ANK3: variants seen among roughly 807,000 people sequenced by gnomAD.
ANK3 encodes the protein ankyrin-3.
ANK3 carries 57 observed loss-of-function variants against 370.9 expected under a neutral mutation model. The observed-to-expected ratio is 0.15, with a 90% CI of 0.12 to 0.19. The LOEUF is 0.19. Ranked by LOEUF, ANK3 falls within the 10% of genes least tolerant of loss-of-function variation. The pLI, the probability that ANK3 is intolerant of heterozygous loss-of-function variation, is 1.00. For synonymous variants in ANK3, 1,929 were observed against 1,946.3 expected (o/e 0.99, Z 0.23); for missense variants, 4,439 against 5,302.1 (o/e 0.84, Z 5.06).
chr10:60,731,884 C>T (rs1439809114), intron 1 of ANK3, among the ~76,000 whole-genome samples: 2 of 152,146 alleles, frequency 1.3e-5, no homozygotes, highest in African/African-American at 2.4e-5. Flanking sequence ...ATTAGACAAC[C>T]CACACTCTCA....
intron 4 of ANK3, among the ~76,000 whole-genome samples, chr10:60,275,716 T>C (rs1199708351): frequency 1.3e-5 from 2 of 152,160 alleles, no homozygotes; most frequent in Non-Finnish European, 2.9e-5. Flanking sequence ...AGGCACTGGC[T>C]AACCTAAAGG....
intron 2 of ANK3, among the ~76,000 whole-genome samples, chr10:60,514,063 A>G (rs2076155222): frequency 6.6e-6 from 1 of 152,162 alleles, no homozygotes; most frequent in African/African-American, 2.4e-5. Context: ...CTCTCAATGA[A>G]TAGTAAATGT....
intron 25 of ANK3, among the ~76,000 whole-genome samples, chr10:60,130,197 C>T (rs535979150): frequency 1.3e-5 from 2 of 152,164 alleles, no homozygotes; most frequent in Non-Finnish European, 2.9e-5. Context: ...GTGGAGATGG[C>T]TCCACCTCTC....
chr10:60,213,180 T>C (rs1402891457), intron 9 of ANK3, among the ~76,000 whole-genome samples: 2 of 152,156 alleles, frequency 1.3e-5, no homozygotes, highest in Non-Finnish European at 2.9e-5. Context: ...GCAGTAAGCA[T>C]TCCTGAAACA....
chr10:60,551,944 A>T (rs1440627638), intron 2 of ANK3, among the ~76,000 whole-genome samples: 1 of 152,160 alleles, frequency 6.6e-6, no homozygotes, highest in African/African-American at 2.4e-5. Flanking sequence ...GCATTTCTTA[A>T]TGTGCTCCAC....
rs148114214 is a variant in ANK3, at chr10:60,138,920, T to C, written c.2738+44A>G. The C allele has an allele frequency of 3.1e-6, 5 of 1,604,392 alleles. No individual in the cohort carries two copies. In the South Asian group the frequency reaches 4.5e-5, roughly 14 times the overall value. ...CATGATTTTGATTTATGACAAATCATGGTTGTTTTAAATTAACTATGAAAG... is the reference window on the plus strand; with the variant it reads ...CATGATTTTGATTTATGACAAATCACGGTTGTTTTAAATTAACTATGAAAG... On this transcript the variant is annotated intron_variant, in intron 24 of 43. Transcript: ENST00000280772.
chr10:60,056,160 A>AG, intron 41 of ANK3, 124 bp from the exon 42 acceptor site: 1 of 1,201,978 alleles, frequency 8.3e-7, no homozygotes, highest in South Asian at 1.6e-5. Context: ...GAAAAGTGTG[A>AG]AAAGTGTGGC....
At chr10:60,659,015 A>G (rs1437068673) in intron 1 of ANK3, among the ~76,000 whole-genome samples, 1 of 152,060 alleles carries the variant, frequency 6.6e-6, no homozygotes. Flanking sequence ...ATACTACTAA[A>G]TAGTTCGAAA....
rs373883428 is a variant in ANK3, at chr10:60,068,774, G to A, written c.12107C>T (p.Thr4036Met). 2.0e-5 allele frequency: 32 copies of A among 1,614,086 alleles called. No homozygotes were observed. The highest frequency in any genetic ancestry group is 2.5e-5 in the Non-Finnish European group (30 of 1,180,028). The change falls in exon 37 of 44, where the codon ACG (threonine) becomes ATG (methionine). Residue 4036 changes from threonine to methionine, a missense_variant. Physicochemically the swap from Thr to Met is moderately conservative, Grantham distance 81 (BLOSUM62 -1). Transcript: ENST00000280772. ...ACCCCGGGAAGTCTCGGACAACGAC[G>A]TGTTTCTTGAGGTACTTTCTTCCTC... ...SDEEESTSRN[T>M]SLSETSRGGQ...
intron 2 of ANK3, among the ~76,000 whole-genome samples, chr10:60,439,195 C>T (rs2064231657): frequency 6.6e-6 from 1 of 152,116 alleles, no homozygotes; most frequent in Non-Finnish European, 1.5e-5. Flanking sequence ...ACTTCGAGAC[C>T]TTAGCCACTG....
In ANK3 at chr10:60,073,240, A is replaced by G; in HGVS notation, c.7641T>C (p.Asn2547=). Residue 2547 remains asparagine, a synonymous_variant, in exon 37 of 44, where the codon AAT becomes AAC. Transcript: ENST00000280772. ...ACATGGCATGTTTTGGACTACTAAC[A>G]TTGCCAGAATAGTGCAACACTGTCA... ...DKVTVLHYSG[N]VSSPKHAMWM... is the part of the protein sequence containing the mutation. The G allele has an allele frequency of 6.2e-7, 1 of 1,614,128 alleles. No homozygotes were observed. The highest frequency in any genetic ancestry group is 8.5e-7 in the Non-Finnish European group (1 of 1,180,024).
At chr10:60,455,691 A>G (rs1203634401) in intron 2 of ANK3, among the ~76,000 whole-genome samples, 1 of 152,156 alleles carries the variant, frequency 6.6e-6, no homozygotes, top group Non-Finnish European at 1.5e-5. Flanking sequence ...CGTTGTATAT[A>G]TTTCAAATTC....
In ANK3 at chr10:60,312,764, G is replaced by T. The variant is rs112834446; in HGVS notation, c.115-33125C>A. Among the ~76,000 whole-genome samples, 647 of 152,314 alleles carry T rather than the reference G, an allele frequency of 4.2e-3. 3 individuals are homozygous for T. Among genetic ancestry groups the T allele is most frequent in the Middle Eastern group, 0.027 (8 of 294 alleles). On this transcript the variant is annotated intron_variant, in intron 1 of 43. Coordinates refer to ENST00000280772, the MANE Select transcript of ANK3 (RefSeq NM_020987.5). ...CAAATAAAGAGATTTTATGAGTTCAGATTTTTGCCCCTTCTTTCAAAAATC... is the reference window on the plus strand; with the variant it reads ...CAAATAAAGAGATTTTATGAGTTCATATTTTTGCCCCTTCTTTCAAAAATC...
intron 1 of ANK3, among the ~76,000 whole-genome samples, chr10:60,296,745 G>C (rs1399524220): frequency 6.6e-6 from 1 of 152,158 alleles, no homozygotes; most frequent in East Asian, 1.9e-4. Flanking sequence ...CAGCACTTTG[G>C]GAGGCTGAGA....
At chr10:60,511,940 A>C (rs113643708) in intron 2 of ANK3, among the ~76,000 whole-genome samples, 221 of 152,220 alleles carry the variant, frequency 1.5e-3, no homozygotes, top group Non-Finnish European at 2.7e-3. Flanking sequence ...CATTGAGTCA[A>C]GATTGAAATA....
In ANK3 at chr10:60,071,112, G is replaced by A; in HGVS notation, c.9769C>T (p.Pro3257Ser). The change falls in exon 37 of 44, where the codon CCT becomes TCT. Residue 3257 changes from proline (P) to serine (S), a missense_variant. Physicochemically the swap from Pro to Ser is moderately conservative, Grantham distance 74. This residue lies in a region of ANK3 where 1,601 missense variants were observed against 1,731.7 expected (regional missense o/e 0.92). Coordinates refer to ENST00000280772, the MANE Select transcript of ANK3 (RefSeq NM_020987.5). The stretch of plus-strand genomic sequence containing the variant: ...ATCTGGTCCGCATCCAGTGGTGGAG[G>A]AGGGGGAAATTCAATATAGGCAACT... ...NRVAYIEFPP[P>S]PPLDADQIES... The A allele has an allele frequency of 6.2e-7, 1 of 1,614,130 alleles. No homozygotes were observed. The highest frequency in any genetic ancestry group is 1.1e-5 in the South Asian group (1 of 91,076).
Position 60,601,556 on chromosome 10 carries a change from C to T in ANK3, c.96+13630G>A, listed in dbSNP as rs112519087. On this transcript the variant is annotated intron_variant, in intron 2 of 43. Transcript: ENST00000373827. ...CCATCTAACCAGTATCCCTCAAGACCGTCAAGGTCATCAAAAACAAGAAAA... is the reference window on the plus strand; with the variant it reads ...CCATCTAACCAGTATCCCTCAAGACTGTCAAGGTCATCAAAAACAAGAAAA... Among the ~76,000 whole-genome samples the T allele has an allele frequency of 1.2e-3, 178 of 152,022 alleles. 1 individual carries two copies. The highest frequency in any genetic ancestry group is 6.8e-3 in the Middle Eastern group (2 of 294).
intron 40 of ANK3, chr10:60,062,445 G>A (rs187710572): frequency 6.6e-6 from 1 of 152,316 alleles, no homozygotes; most frequent in East Asian, 1.9e-4. Context: ...AAGCTAATGT[G>A]AAAGAGGAAT....
intron 23 of ANK3, among the ~76,000 whole-genome samples, chr10:60,155,139 C>G (rs2095289934): frequency 6.6e-6 from 1 of 152,006 alleles, no homozygotes; most frequent in Non-Finnish European, 1.5e-5. Flanking sequence ...ATCACAATAC[C>G]CGATTTTAAT....
Sources: gnomAD v4.1 joint callset for allele counts (sites outside exome capture counted in the v4.1 genomes callset) on GRCh38, gnomAD v4.1.1 for gene constraint, gnomAD v4.1.1 regional missense constraint, MANE v1.5 for transcripts, NCBI Gene and HGNC (gene_info 2026-07-23, HGNC 2026-07-21) for gene names.